SPTB: variants seen among roughly 807,000 people sequenced by gnomAD.
SPTB encodes the protein spectrin beta, erythrocytic, also known as spectrin beta chain, erythrocytic.
SPTB carries 45 observed loss-of-function variants against 256.2 expected under a neutral mutation model. The ratio of observed to expected loss-of-function variants is 0.18; its 90% confidence interval spans 0.14 to 0.23. The LOEUF is 0.23. Ranked by LOEUF, SPTB falls within the 10% of genes least tolerant of loss-of-function variation. The pLI, the probability that SPTB is intolerant of heterozygous loss-of-function variation, is 1.00. For missense variants in SPTB, 2,715 were observed against 3,040.4 expected, an observed-to-expected ratio of 0.89 and a Z score of 2.52; for synonymous variants, 1,231 against 1,243.1, an observed-to-expected ratio of 0.99 and a Z score of 0.21.
rs916283261 is a variant in SPTB at position 64,853,385 on chromosome 14, T to A, written c.-52+26407A>T. Among the ~76,000 whole-genome samples, 1 of 152,110 alleles carries A rather than the reference T, an allele frequency of 6.6e-6. No individual in the cohort carries two copies. The highest frequency in any genetic ancestry group is 2.4e-5 in the African/African-American group (1 of 41,392). On this transcript the variant is annotated intron_variant, in intron 1 of 35. Coordinates refer to ENST00000644917, the MANE Select transcript of SPTB (RefSeq NM_001355436.2). This position sits in a 1 kb window ranked among gnomAD's most constrained non-coding sequence, Gnocchi z 4.3. ...TCCTCAGGATATGCCCAGGAAGCCA[T>A]CAAAGAACAAAGCAATTTAGGAGAT...
rs767250494 is a variant in SPTB, at chr14:64,793,939, G to T, written c.1796-72C>A. The T allele has an allele frequency of 1.0e-4, 155 of 1,507,484 alleles. No homozygotes were observed. Among genetic ancestry groups the T allele is most frequent in the Non-Finnish European group, 1.3e-4 (146 of 1,126,558 alleles). The allele number at this position is 1,507,484 out of a possible 1,614,324, so 93.4% of individuals were successfully genotyped here. A position where few individuals can be genotyped will look rare whatever the true frequency, so the allele number is the denominator to read the frequency against. On this transcript the variant is annotated intron_variant, in intron 13 of 35. Coordinates refer to ENST00000644917, the MANE Select transcript of SPTB (RefSeq NM_001355436.2). The surrounding 1 kb of genome is among the most constrained non-coding windows in gnomAD (Gnocchi z 7.0). ...TTTATGGGCACGCTTCAGATAAGCT[G>T]CTAGGTTGGAACTACACAACCCTGA... is the stretch of plus-strand genomic sequence containing the variant.
chr14:64,869,309 C>G (rs955959179), intron 1 of SPTB, among the ~76,000 whole-genome samples: 1 of 152,188 alleles, frequency 6.6e-6, no homozygotes, highest in African/African-American at 2.4e-5. Context: ...ATAACAATGC[C>G]TTGTATCCAA....
chr14:64,839,556 G>C (rs1055903354), intron 1 of SPTB, among the ~76,000 whole-genome samples: 11 of 152,112 alleles, frequency 7.2e-5, no homozygotes, highest in African/African-American at 2.7e-4. Context: ...GAATTTTACT[G>C]TATGTAAATT....
At position 64,823,135 on chromosome 14, in the gene SPTB, T is replaced by A. The variant is rs551164613; in HGVS notation, c.-41A>T. 1.5e-5 allele frequency: 25 copies of A among 1,613,422 alleles called. No individual in the cohort carries two copies. The highest frequency in any genetic ancestry group is 3.3e-4 in the Middle Eastern group (2 of 6,020). On this transcript the variant is annotated 5_prime_UTR_variant, in exon 2 of 36. An upstream start codon of the reference 5' UTR is lost. Transcript: ENST00000644917. This position sits in a 1 kb window ranked among gnomAD's most constrained non-coding sequence, Gnocchi z 6.5. ...GCAGCTCCGCCTGCCTCAGTCTTCA[T>A]GGAAGGATCCCTGGGGGACAGCAAC... is the stretch of plus-strand genomic sequence containing the variant.
rs916183670 is a variant in SPTB at position 64,845,833 on chromosome 14, A to ATG, written c.-51-22690_-51-22689dup. Among the ~76,000 whole-genome samples, 12 of 151,950 alleles carry ATG rather than the reference A, an allele frequency of 7.9e-5. No individual in the cohort carries two copies. The highest frequency in any genetic ancestry group is 5.9e-4 in the Admixed American group (9 of 15,266). ...TAAAATGTTATCATTTTAATTTTTA[A>ATG]TGTGTGTGTGTGTTATTTATGAAAC... On this transcript the variant is annotated intron_variant, in intron 1 of 35. Coordinates refer to ENST00000644917, the MANE Select transcript of SPTB (RefSeq NM_001355436.2). The surrounding 1 kb of genome is among the most constrained non-coding windows in gnomAD (Gnocchi z 4.8).
chr14:64,785,590 C>A lies in SPTB; in HGVS notation c.3802G>T (p.Val1268Phe). ...AGCTCCAGGTTGTCTCTCAGTAGGA[C>A]AGAGGCCTCCTGGGCCTTCTCGTTG... is the stretch of plus-strand genomic sequence containing the variant. ...KNNEKAQEAS[V>F]LLRDNLELQN... The change falls in exon 18 of 36, where the codon GTC (valine) becomes TTC (phenylalanine). Residue 1268 changes from valine (V) to phenylalanine (F), a missense_variant. Coordinates refer to ENST00000644917, the MANE Select transcript of SPTB (RefSeq NM_001355436.2). This position sits in a 1 kb window ranked among gnomAD's most constrained non-coding sequence, Gnocchi z 4.4. The A allele has an allele frequency of 6.2e-7, 1 of 1,614,136 alleles. No homozygotes were observed. The highest frequency in any genetic ancestry group is 8.5e-7 in the Non-Finnish European group (1 of 1,180,020).
At chr14:64,765,284 G>T (rs1041250015) in intron 32 of SPTB, among the ~76,000 whole-genome samples, 1 of 152,130 alleles carries the variant, frequency 6.6e-6, no homozygotes, top group African/African-American at 2.4e-5. Context: ...TTGGCCCCCA[G>T]TGCAGCCTGC....
In SPTB at chr14:64,758,425, G is replaced by T. The variant is rs960517734; in HGVS notation, c.6346-4632C>A. Among the ~76,000 whole-genome samples the T allele has an allele frequency of 2.0e-5, 3 of 152,234 alleles. No individual in the cohort carries two copies. The highest frequency in any genetic ancestry group is 7.2e-5 in the African/African-American group (3 of 41,458). ...GGGCCTGAGGCCCCACCCCTTTAGG[G>T]TAGTGCAGAAGTGGCCTGAGGCCCT... On this transcript the variant is annotated intron_variant, in intron 32 of 35. Coordinates refer to ENST00000644917, the MANE Select transcript of SPTB (RefSeq NM_001355436.2). The surrounding 1 kb of genome is among the most constrained non-coding windows in gnomAD (Gnocchi z 4.6).
In SPTB at chr14:64,805,028, C is replaced by T. The variant is rs199910491; in HGVS notation, c.211G>A (p.Val71Met). The T allele has an allele frequency of 3.1e-6, 5 of 1,613,956 alleles. No homozygotes were observed. The East Asian group carries it at 8.9e-5, about 29-fold the overall frequency. ...TAGAGATCGGTGATGCGGCAGGACACTCGAGCCAGGTGCGAGTTCACCCAT... is the reference window on the plus strand; with the variant it reads ...TAGAGATCGGTGATGCGGCAGGACATTCGAGCCAGGTGCGAGTTCACCCAT... ...TKWVNSHLAR[V>M]SCRITDLYKD... Residue 71 changes from valine to methionine, a missense_variant, in exon 3 of 36, where the codon GTG becomes ATG. By Grantham distance (21) the Val-to-Met change is conservative. Coordinates refer to ENST00000644917, the MANE Select transcript of SPTB (RefSeq NM_001355436.2).
At chr14:64,803,916 T>C (rs568756678) in intron 3 of SPTB, 136 bp from the exon 4 acceptor site, 5 of 892,242 alleles carry the variant, frequency 5.6e-6, no homozygotes, top group South Asian at 5.1e-5. Flanking sequence ...TGGTCATTCA[T>C]TGACACTATT....
intron 29 of SPTB, 58 bp downstream of exon 29, chr14:64,768,976 C>A: frequency 7.3e-7 from 1 of 1,378,986 alleles, no homozygotes; most frequent in Non-Finnish European, 1.0e-6. Context: ...CCTCCCCATT[C>A]CCCTACTCCT....
chr14:64,846,914 C>T (rs908835523), intron 1 of SPTB, among the ~76,000 whole-genome samples: 2 of 152,126 alleles, frequency 1.3e-5, no homozygotes, highest in African/African-American at 4.8e-5. Context: ...TCCACGGCCT[C>T]AGAGCAGAGG....
chr14:64,798,806 T>G (rs554809086), intron 9 of SPTB, among the ~76,000 whole-genome samples: 2 of 152,318 alleles, frequency 1.3e-5, no homozygotes, highest in African/African-American at 4.8e-5. Context: ...CTTTCCCCAT[T>G]TGAAAGTCAT....
In SPTB at chr14:64,830,768, A is replaced by G. The variant is rs573393455; in HGVS notation, c.-51-7623T>C. Among the ~76,000 whole-genome samples the G allele has an allele frequency of 5.3e-5, 8 of 152,006 alleles. No individual in the cohort carries two copies. The South Asian group carries it at 1.5e-3, about 28-fold the overall frequency. On this transcript the variant is annotated intron_variant, in intron 1 of 35. Coordinates refer to ENST00000644917, the MANE Select transcript of SPTB (RefSeq NM_001355436.2). The stretch of plus-strand genomic sequence containing the variant: ...TGTAAGCTTTCAGCAGTACAGTCCA[A>G]TTCTAAGCCCTGCACCATTTGGTGC...
At position 64,777,562 on chromosome 14, in the gene SPTB, T is replaced by C. The variant is rs906724282; in HGVS notation, c.4563+1595A>G. On this transcript the variant is annotated intron_variant, in intron 22 of 35. Coordinates refer to ENST00000644917, the MANE Select transcript of SPTB (RefSeq NM_001355436.2). The surrounding 1 kb of genome is among the most constrained non-coding windows in gnomAD (Gnocchi z 4.5). ...GCCCTGGGAACAGTGGTCCCCAAAGTGCAGTCCTGAACCAGCAGCATCGGC... is the reference window on the plus strand; with the variant it reads ...GCCCTGGGAACAGTGGTCCCCAAAGCGCAGTCCTGAACCAGCAGCATCGGC... 6.6e-6 allele frequency among the ~76,000 whole-genome samples: 1 copy of C among 152,078 alleles called. No homozygotes were observed. Among genetic ancestry groups the C allele is most frequent in the African/African-American group, 2.4e-5 (1 of 41,392 alleles).
chr14:64,804,828 G>T, intron 3 of SPTB, 111 bp downstream of exon 3: 1 of 1,378,802 alleles, frequency 7.3e-7, no homozygotes, highest in Non-Finnish European at 1.0e-6. Flanking sequence ...CCTCCCAAAG[G>T]AGCAGAGAGA....
intron 32 of SPTB, among the ~76,000 whole-genome samples, chr14:64,762,194 A>G (rs2082105337): frequency 6.6e-6 from 1 of 152,198 alleles, no homozygotes; most frequent in Non-Finnish European, 1.5e-5. Flanking sequence ...GGTTTTGGGG[A>G]AAACTGATGT....
At chr14:64,862,067 C>T (rs567699791) in intron 1 of SPTB, among the ~76,000 whole-genome samples, 4 of 152,216 alleles carry the variant, frequency 2.6e-5, no homozygotes, top group African/African-American at 9.6e-5. Context: ...ATCGACACCC[C>T]CAGCCCAGCC....
chr14:64,758,701 C>G lies in SPTB; in HGVS notation c.6346-4908G>C, dbSNP rs1270213049. Among the ~76,000 whole-genome samples the G allele has an allele frequency of 6.6e-6, 1 of 152,194 alleles. No individual in the cohort carries two copies. The highest frequency in any genetic ancestry group is 1.9e-4 in the East Asian group (1 of 5,198). ...TTTTAAATAGTTACTCTTGGGGTTC[C>G]CATCTGCCCAGGGAAAGTGCACAAA... On this transcript the variant is annotated intron_variant, in intron 32 of 35. Coordinates refer to ENST00000644917, the MANE Select transcript of SPTB (RefSeq NM_001355436.2). This position sits in a 1 kb window ranked among gnomAD's most constrained non-coding sequence, Gnocchi z 4.6.
Sources: allele counts gnomAD v4.1 joint callset (sites outside exome capture counted in the v4.1 genomes callset), GRCh38; gene constraint gnomAD v4.1.1; non-coding constraint Gnocchi (gnomAD v3.1); transcripts MANE v1.5; gene names NCBI Gene and HGNC (gene_info 2026-07-23, HGNC 2026-07-21).